The following CACNA1B variants were observed in gnomAD, a reference collection of about 807,000 sequenced individuals.
CACNA1B encodes calcium voltage-gated channel subunit alpha1 B.
In CACNA1B, 70 loss-of-function variants were observed where a neutral mutation model predicts 247.2. The observed-to-expected ratio is 0.28, with a 90% CI of 0.23 to 0.35. The LOEUF (loss-of-function observed/expected upper bound fraction) is 0.35. CACNA1B is among the 10% of genes least tolerant of loss of function. CACNA1B has a pLI of 1.00. For synonymous variants in CACNA1B, 1,231 were observed against 1,294.4 expected, an observed-to-expected ratio of 0.95 and a Z score of 1.05; for missense variants, 2,367 against 3,197.4, an observed-to-expected ratio of 0.74 and a Z score of 6.26.
intron 24 of CACNA1B, chr9:138,049,997 C>A: frequency 9.3e-7 from 1 of 1,069,874 alleles, no homozygotes; most frequent in Non-Finnish European, 1.3e-6. Flanking sequence ...GGGTCCACAT[C>A]TCTCTGAGCG....
Position 138,072,453 on chromosome 9 carries a change from G to A in CACNA1B, c.4675-1035G>A, listed in dbSNP as rs1278754819. ...TGCGCCTGCACGTGCTCCTGCTGCT[G>A]CTGTCTCATTTGACATCTGTGTTCT... On this transcript the variant is annotated intron_variant, in intron 32 of 46. Transcript: ENST00000371372. The surrounding 1 kb of genome is among the most constrained non-coding windows in gnomAD (Gnocchi z 4.5). Among the ~76,000 whole-genome samples the A allele has an allele frequency of 6.6e-6, 1 of 152,258 alleles. No individual in the cohort carries two copies. The highest frequency in any genetic ancestry group is 1.5e-5 in the Non-Finnish European group (1 of 68,050).
At chr9:137,975,629 G>GCTGAT (rs1958210550) in intron 11 of CACNA1B, among the ~76,000 whole-genome samples, 1 of 152,228 alleles carries the variant, frequency 6.6e-6, no homozygotes, top group South Asian at 2.1e-4. Context: ...TCACACCTGG[G>GCTGAT]CTGATCTCGG....
At chr9:138,056,193 G>A (rs1002311592) in intron 26 of CACNA1B, among the ~76,000 whole-genome samples, 4 of 151,892 alleles carry the variant, frequency 2.6e-5, no homozygotes, top group Admixed American at 2.0e-4. Context: ...CACATTTTCA[G>A]CACCTCAAAA....
chr9:138,015,958 G>GCA (rs1213594539), intron 18 of CACNA1B, among the ~76,000 whole-genome samples: 1 of 151,682 alleles, frequency 6.6e-6, no homozygotes, highest in Non-Finnish European at 1.5e-5. Context: ...ATATAGGCAA[G>GCA]CACACACACA....
At chr9:137,956,170 A>ACTCACACTCTTTCC (rs1957945118) in intron 8 of CACNA1B, among the ~76,000 whole-genome samples, 1 of 152,306 alleles carries the variant, frequency 6.6e-6, no homozygotes, top group African/African-American at 2.4e-5. Flanking sequence ...CACATGGGGC[A>ACTCACACTCTTTCC]TCCACTCACA....
At position 137,986,974 on chromosome 9, in the gene CACNA1B, T is replaced by G; in HGVS notation, c.1974+120T>G. ...CCTCCACACGGCCCAGATCACTGAC[T>G]TTTCAGACACAGTGTTCCTCAAACG... On this transcript the variant is annotated intron_variant, in intron 15 of 46. Transcript: ENST00000371372. This position sits in a 1 kb window ranked among gnomAD's most constrained non-coding sequence, Gnocchi z 6.0. 1.2e-6 allele frequency: 1 copy of G among 811,314 alleles called. No individual in the cohort carries two copies. The highest frequency in any genetic ancestry group is 2.2e-6 in the Non-Finnish European group (1 of 464,416). The allele number at this position is 811,314 out of a possible 1,614,324, so 50.3% of individuals were successfully genotyped here.
chr9:138,057,492 C>T lies in CACNA1B; in HGVS notation c.3969-240C>T, dbSNP rs1349392585. ...CACGAAGTTTTGCCCCCGTTTTCCT[C>T]TAAGTGTTTTATAGTTTTAGCTCCT... is the stretch of plus-strand genomic sequence containing the variant. On this transcript the variant is annotated intron_variant, in intron 26 of 46. Transcript: ENST00000371372. The surrounding 1 kb of genome is among the most constrained non-coding windows in gnomAD (Gnocchi z 4.0). Among the ~76,000 whole-genome samples, 4 of 152,178 alleles carry T rather than the reference C, an allele frequency of 2.6e-5. No homozygotes were observed. Among genetic ancestry groups the T allele is most frequent in the Admixed American group, 1.3e-4 (2 of 15,266 alleles).
Position 137,954,550 on chromosome 9 carries a change from T to C in CACNA1B, c.1071-1148T>C, listed in dbSNP as rs1246352050. Among the ~76,000 whole-genome samples, 1 of 152,118 alleles carries C rather than the reference T, an allele frequency of 6.6e-6. No homozygotes were observed. Among genetic ancestry groups the C allele is most frequent in the Non-Finnish European group, 1.5e-5 (1 of 68,008 alleles). ...GCTCTCAGATCAGTTCAAGCAGTGA[T>C]GTCCTTGCCCTTCCCCTGCCCCCCA... is the stretch of plus-strand genomic sequence containing the variant. On this transcript the variant is annotated intron_variant, in intron 7 of 46. Transcript: ENST00000371372. The surrounding 1 kb of genome is among the most constrained non-coding windows in gnomAD (Gnocchi z 4.1).
chr9:138,102,942 T>A lies in CACNA1B; in HGVS notation c.5319+135T>A, dbSNP rs1961303052. Reference sequence around the variant, plus strand: ...TGCCGCTCTGCTGTGCGCCCCCGGCTGCCTCACTGTGTCTTTCTCTTCAGC... The same window carrying A: ...TGCCGCTCTGCTGTGCGCCCCCGGCAGCCTCACTGTGTCTTTCTCTTCAGC... On this transcript the variant is annotated intron_variant, in intron 38 of 46. Coordinates refer to ENST00000371372, the MANE Select transcript of CACNA1B (RefSeq NM_000718.4). The surrounding 1 kb of genome is among the most constrained non-coding windows in gnomAD (Gnocchi z 5.4). 1.7e-6 allele frequency: 1 copy of A among 586,586 alleles called. No homozygotes were observed. Among genetic ancestry groups the A allele is most frequent in the African/African-American group, 1.9e-5 (1 of 53,170 alleles). The allele number at this position is 586,586 out of a possible 1,614,324, so 36.3% of individuals were successfully genotyped here.
At chr9:137,953,475 G>A (rs1016585109) in intron 7 of CACNA1B, among the ~76,000 whole-genome samples, 3 of 152,182 alleles carry the variant, frequency 2.0e-5, no homozygotes, top group East Asian at 1.9e-4. Flanking sequence ...GCAGGAGATC[G>A]TGCCCTTGGT....
chr9:138,106,552 G>C (rs778930758), intron 39 of CACNA1B, among the ~76,000 whole-genome samples: 2 of 152,192 alleles, frequency 1.3e-5, no homozygotes, highest in Admixed American at 6.5e-5. Context: ...GGCGGATCAC[G>C]AGGTCAGGAG....
At chr9:137,968,233 C>T (rs755855296) in intron 10 of CACNA1B, among the ~76,000 whole-genome samples, 9 of 152,136 alleles carry the variant, frequency 5.9e-5, no homozygotes, top group Admixed American at 1.3e-4. Context: ...GGGGAGGAGA[C>T]GAAGCCGTGC....
chr9:138,116,456 C>T (rs1186710344), intron 42 of CACNA1B, among the ~76,000 whole-genome samples: 13 of 152,180 alleles, frequency 8.5e-5, no homozygotes, highest in South Asian at 2.1e-4. Flanking sequence ...ACTCCCGAGC[C>T]GCTGGCAGCC....
At chr9:138,066,466 G>C (rs1959919105) in intron 31 of CACNA1B, among the ~76,000 whole-genome samples, 1 of 152,062 alleles carries the variant, frequency 6.6e-6, no homozygotes, top group South Asian at 2.1e-4. Flanking sequence ...GAGAGAGAGA[G>C]AGGCAGGGAG....
In CACNA1B at chr9:138,123,427, C is replaced by T. The variant is rs1287616638; in HGVS notation, c.*1428C>T. 1 of 152,322 alleles carries T rather than the reference C, an allele frequency of 6.6e-6. No individual in the cohort carries two copies. The highest frequency in any genetic ancestry group is 1.5e-5 in the Non-Finnish European group (1 of 68,112). 9.4% of individuals were successfully genotyped at this position (152,322 alleles called of 1,614,324 possible). ...CAAGGTGCACAAGATGCTGGGAGGT[C>T]CCTTGTTTGGTGAAGAAAGGGAGCA... On this transcript the variant is annotated 3_prime_UTR_variant, in exon 47 of 47. Coordinates refer to ENST00000371372, the MANE Select transcript of CACNA1B (RefSeq NM_000718.4).
intron 43 of CACNA1B, 53 bp from the exon 44 acceptor site, chr9:138,118,599 G>C (rs1360898603): frequency 5.6e-6 from 5 of 890,890 alleles, no homozygotes; most frequent in South Asian, 3.0e-5. Flanking sequence ...GGTGGGATCA[G>C]ATGAGTCCGC....
At chr9:138,049,700 C>G (rs1324145960) in intron 24 of CACNA1B, among the ~76,000 whole-genome samples, 6 of 152,212 alleles carry the variant, frequency 3.9e-5, no homozygotes, top group Non-Finnish European at 7.4e-5. Context: ...TCACCTTGAC[C>G]TGCTCTGAGG....
At chr9:138,029,237 G>A (rs572238134) in intron 20 of CACNA1B, among the ~76,000 whole-genome samples, 22 of 152,302 alleles carry the variant, frequency 1.4e-4, no homozygotes, top group African/African-American at 4.6e-4. Context: ...GGATATTCCC[G>A]TTATTGGTTC....
chr9:138,030,500 GTTTTGCGTCTGTATTCATGAGGGA>G (rs896637303), intron 20 of CACNA1B, among the ~76,000 whole-genome samples: 7 of 152,028 alleles, frequency 4.6e-5, no homozygotes, highest in African/African-American at 1.7e-4. Context: ...TTGTTAAGGA[GTTTTGCGTCTGTATTCATGAGGGA>G]TGTTGCTCTG....
Sources: gnomAD v4.1 joint callset for allele counts (sites outside exome capture counted in the v4.1 genomes callset) on GRCh38, gnomAD v4.1.1 for gene constraint, Gnocchi (gnomAD v3.1) non-coding constraint, MANE v1.5 for transcripts, NCBI Gene and HGNC (gene_info 2026-07-23, HGNC 2026-07-21) for gene names.